MACROD2: variants seen among roughly 807,000 people sequenced by gnomAD.
MACROD2 encodes the protein mono-ADP ribosylhydrolase 2, also known as ADP-ribose glycohydrolase MACROD2.
A neutral mutation model predicts 70.4 loss-of-function variants in MACROD2; 36 were observed. The observed-to-expected ratio is 0.51, with a 90% CI of 0.39 to 0.68. The LOEUF (loss-of-function observed/expected upper bound fraction) is 0.68, where lower values mean the gene tolerates loss of function less well. Ranked by LOEUF, MACROD2 falls within the 30% of genes least tolerant of loss-of-function variation. The probability of loss-of-function intolerance (pLI) is 0.00; values close to 1 mark genes in which losing one functional copy is unlikely to be tolerated. For missense variants in MACROD2, 496 were observed against 538.4 expected (o/e 0.92, Z 0.78); for synonymous variants, 172 against 178.8 (o/e 0.96, Z 0.30).
intron 3 of MACROD2, among the ~76,000 whole-genome samples, chr20:14,299,970 A>G (rs2082461089): frequency 6.6e-6 from 1 of 152,286 alleles, no homozygotes; most frequent in South Asian, 2.1e-4. Flanking sequence ...TAGGATTGTA[A>G]TGTCACATGC....
At chr20:15,583,584 T>C (rs148682091) in intron 8 of MACROD2, among the ~76,000 whole-genome samples, 1 of 152,300 alleles carries the variant, frequency 6.6e-6, no homozygotes, top group African/African-American at 2.4e-5. Flanking sequence ...CTGAGAACCC[T>C]AGGGCTCCAA....
At chr20:14,616,864 A>G (rs1179744737) in intron 4 of MACROD2, among the ~76,000 whole-genome samples, 1 of 152,128 alleles carries the variant, frequency 6.6e-6, no homozygotes, top group Non-Finnish European at 1.5e-5. Flanking sequence ...CTGTCCTGTA[A>G]TACCATTAGT....
chr20:15,002,359 G>T (rs2075002822), intron 5 of MACROD2, among the ~76,000 whole-genome samples: 1 of 152,018 alleles, frequency 6.6e-6, no homozygotes, highest in Admixed American at 6.6e-5. Flanking sequence ...GCATTTCCCT[G>T]ATCATTCATG....
rs2082729675 is a variant in MACROD2, at chr20:14,326,122, C to G, written c.272-167357C>G. On this transcript the variant is annotated intron_variant, in intron 3 of 17. Coordinates refer to ENST00000684519, the MANE Select transcript of MACROD2 (RefSeq NM_001351661.2). This position sits in a 1 kb window ranked among gnomAD's most constrained non-coding sequence, Gnocchi z 5.5. Reference sequence around the variant, plus strand: ...CTCCAGGGCTGTGACCAAGTACTCACTGCGTTCCCCTGTTACAATTGTTTC... The same window carrying G: ...CTCCAGGGCTGTGACCAAGTACTCAGTGCGTTCCCCTGTTACAATTGTTTC... The G allele has an allele frequency of 1.2e-6, 2 of 1,613,768 alleles. No homozygotes were observed. Among genetic ancestry groups the G allele is most frequent in the Non-Finnish European group, 1.7e-6 (2 of 1,179,894 alleles).
intron 4 of MACROD2, among the ~76,000 whole-genome samples, chr20:14,662,918 G>C (rs1986294539): frequency 6.6e-6 from 1 of 151,498 alleles, no homozygotes; most frequent in Admixed American, 6.6e-5. Flanking sequence ...GTGGAAGATG[G>C]TGTGGTGATT....
At chr20:14,773,773 G>A (rs1204478229) in intron 5 of MACROD2, among the ~76,000 whole-genome samples, 1 of 151,900 alleles carries the variant, frequency 6.6e-6, no homozygotes, top group Non-Finnish European at 1.5e-5. Context: ...ATTTGCTAGG[G>A]CTGCCATAAT....
At chr20:15,106,521 A>T (rs113959496) in intron 5 of MACROD2, among the ~76,000 whole-genome samples, 26 of 152,314 alleles carry the variant, frequency 1.7e-4, no homozygotes, top group African/African-American at 6.0e-4. Flanking sequence ...ATTCCACTAC[A>T]GTCCAATCCA....
At chr20:15,465,929 C>T (rs1299457198) in intron 7 of MACROD2, among the ~76,000 whole-genome samples, 1 of 152,200 alleles carries the variant, frequency 6.6e-6, no homozygotes, top group Non-Finnish European at 1.5e-5. Context: ...GTCCTCAGCT[C>T]CGTGGACACA....
Position 15,134,425 on chromosome 20 carries a change from G to A in MACROD2, c.419-95515G>A, listed in dbSNP as rs553684663. Among the ~76,000 whole-genome samples the A allele has an allele frequency of 3.2e-3, 482 of 151,884 alleles. 3 individuals are homozygous for A. The highest frequency in any genetic ancestry group is 5.3e-3 in the Non-Finnish European group (362 of 67,896). ...AGGATTAAGAAACTCACTCAAAGCC[G>A]CTCAACTACATGGAAACTGAACAAC... On this transcript the variant is annotated intron_variant, in intron 5 of 17. Transcript: ENST00000684519.
intron 3 of MACROD2, among the ~76,000 whole-genome samples, chr20:14,160,745 T>C: frequency 6.6e-6 from 1 of 152,118 alleles, no homozygotes; most frequent in East Asian, 1.9e-4. Flanking sequence ...TATTATTTTT[T>C]CTTCTCCTAA....
chr20:15,710,649 G>T (rs1014128487), intron 8 of MACROD2, among the ~76,000 whole-genome samples: 3 of 152,140 alleles, frequency 2.0e-5, no homozygotes, highest in Non-Finnish European at 4.4e-5. Flanking sequence ...TCAAGTAGCA[G>T]GATTTTCTTT....
Position 15,011,085 on chromosome 20 carries a change from G to A in MACROD2, c.419-218855G>A, listed in dbSNP as rs758938131. Among the ~76,000 whole-genome samples, 15 of 152,310 alleles carry A rather than the reference G, an allele frequency of 9.8e-5. 1 individual carries two copies. The Middle Eastern group carries it at 0.024, about 242-fold the overall frequency. On this transcript the variant is annotated intron_variant, in intron 5 of 17. Transcript: ENST00000684519. ...GGCAGACAGATTCAAATGGATTAAT[G>A]TTCAAGCCAAGCCCTTTCACCTCTA...
chr20:15,568,152 A>G (rs771064271), intron 8 of MACROD2, among the ~76,000 whole-genome samples: 2 of 152,152 alleles, frequency 1.3e-5, no homozygotes, highest in Non-Finnish European at 2.9e-5. Context: ...GCTATCTCCT[A>G]TCCTACCATT....
Position 15,984,140 on chromosome 20 carries a change from G to A in MACROD2, c.986-2587G>A, listed in dbSNP as rs142847302. Reference sequence around the variant, plus strand: ...CTTTTTTTAACTTTTTATAATTTTTGTTAAAGAGCAGGTTGATGCTTTAAG... The same window carrying A: ...CTTTTTTTAACTTTTTATAATTTTTATTAAAGAGCAGGTTGATGCTTTAAG... On this transcript the variant is annotated intron_variant, in intron 13 of 17. Transcript: ENST00000684519. Among the ~76,000 whole-genome samples the A allele has an allele frequency of 7.5e-3, 1,145 of 151,908 alleles. 12 individuals carry two copies. The highest frequency in any genetic ancestry group is 0.024 in the African/African-American group (1,016 of 41,470).
chr20:15,760,835 T>C (rs529633365), intron 8 of MACROD2, among the ~76,000 whole-genome samples: 1 of 151,956 alleles, frequency 6.6e-6, no homozygotes, highest in South Asian at 2.1e-4. Flanking sequence ...AAACAAAAAT[T>C]AGGGATTTTG....
intron 2 of MACROD2, among the ~76,000 whole-genome samples, chr20:14,049,762 A>G (rs2053538035): frequency 6.6e-6 from 1 of 150,634 alleles, no homozygotes; most frequent in Admixed American, 6.6e-5. Flanking sequence ...CTCAAAAACA[A>G]AACAAAACAA....
chr20:14,635,670 G>C (rs537598790), intron 4 of MACROD2, among the ~76,000 whole-genome samples: 2 of 152,254 alleles, frequency 1.3e-5, no homozygotes, highest in Non-Finnish European at 2.9e-5. Flanking sequence ...ATTTCAGTCA[G>C]TGCTTTATTT....
At position 14,795,707 on chromosome 20, in the gene MACROD2, C is replaced by T. The variant is rs559184333; in HGVS notation, c.418+110748C>T. ...TTAGTAAGTTATTTATTTTTGTTTT[C>T]GTTTTTTTAAAAATCATCAACCATG... On this transcript the variant is annotated intron_variant, in intron 5 of 17. Transcript: ENST00000684519. 1.2e-4 allele frequency among the ~76,000 whole-genome samples: 19 copies of T among 152,070 alleles called. 1 individual carries two copies. Among genetic ancestry groups the T allele is most frequent in the Middle Eastern group, 3.4e-3 (1 of 294 alleles).
At chr20:15,583,907 G>A (rs999787964) in intron 8 of MACROD2, among the ~76,000 whole-genome samples, 13 of 152,184 alleles carry the variant, frequency 8.5e-5, no homozygotes, top group African/African-American at 1.7e-4. Flanking sequence ...CCAAAGTGCC[G>A]GGATTACAGG....
Sources: gnomAD v4.1 joint callset for allele counts (sites outside exome capture counted in the v4.1 genomes callset) on GRCh38, gnomAD v4.1.1 for gene constraint, Gnocchi (gnomAD v3.1) non-coding constraint, MANE v1.5 for transcripts, NCBI Gene and HGNC (gene_info 2026-07-23, HGNC 2026-07-21) for gene names.